CCDC178: variants seen among roughly 807,000 people sequenced by gnomAD.
CCDC178 encodes coiled-coil domain containing 178, also known as coiled-coil domain-containing protein 178.
CCDC178 carries 126 observed loss-of-function variants against 117.4 expected under a neutral mutation model. The ratio of observed to expected loss-of-function variants is 1.07; its 90% confidence interval spans 0.93 to 1.24. The LOEUF (loss-of-function observed/expected upper bound fraction) is 1.24, where lower values mean the gene tolerates loss of function less well. CCDC178 is among the 50% of genes most tolerant of loss of function. The pLI is 0.00. For missense variants in CCDC178, 1,030 were observed against 986.9 expected, an observed-to-expected ratio of 1.04 and a Z score of -0.59; for synonymous variants, 283 against 313.4, an observed-to-expected ratio of 0.90 and a Z score of 1.02.
At chr18:33,020,304 T>C (rs1328935622) in intron 21 of CCDC178, among the ~76,000 whole-genome samples, 2 of 152,072 alleles carry the variant, frequency 1.3e-5, no homozygotes, top group African/African-American at 4.8e-5. Flanking sequence ...GAAAGTTGTG[T>C]TGTTCTCCGT....
chr18:33,134,836 C>T (rs1568009522), intron 20 of CCDC178, among the ~76,000 whole-genome samples: 1 of 151,902 alleles, frequency 6.6e-6, no homozygotes, highest in Non-Finnish European at 1.5e-5. Flanking sequence ...GGAGAAGATA[C>T]CAGCATGGTC....
In CCDC178 at chr18:33,215,698, G is replaced by A. The variant is rs376508906; in HGVS notation, c.1933-3C>T. On this transcript the variant is annotated splice_polypyrimidine_tract_variant and splice_region_variant and intron_variant, in intron 18 of 22. Transcript: ENST00000383096. ...TTAAAAATTGCTGAGCGTTTACTCT[G>A]AAAAAAAATATACACAAGTGTTTAT... The A allele has an allele frequency of 1.8e-5, 27 of 1,500,714 alleles. No homozygotes were observed. Among genetic ancestry groups the A allele is most frequent in the Non-Finnish European group, 2.3e-5 (26 of 1,128,012 alleles). 93.0% of individuals were successfully genotyped at this position (1,500,714 alleles called of 1,614,324 possible).
chr18:33,304,055 T>C (rs1473433008), intron 11 of CCDC178, among the ~76,000 whole-genome samples: 1 of 152,154 alleles, frequency 6.6e-6, no homozygotes, highest in East Asian at 1.9e-4. Context: ...TAGTGCATTG[T>C]ATTTCCATGG....
chr18:33,376,309 C>T lies in CCDC178; in HGVS notation c.209-6120G>A, dbSNP rs551540786. ...GGAGGGCGTGAGCAGGAGGGGAGAG[C>T]CCTTTTTTGCCCTGCTCATACCTGA... is the stretch of plus-strand genomic sequence containing the variant. On this transcript the variant is annotated intron_variant, in intron 5 of 22. Transcript: ENST00000383096. 1.1e-3 allele frequency among the ~76,000 whole-genome samples: 174 copies of T among 152,228 alleles called. 1 individual carries two copies. Among genetic ancestry groups the T allele is most frequent in the Non-Finnish European group, 2.2e-3 (150 of 68,008 alleles).
intron 11 of CCDC178, among the ~76,000 whole-genome samples, chr18:33,311,681 C>T (rs1295723996): frequency 6.6e-6 from 1 of 152,198 alleles, no homozygotes; most frequent in African/African-American, 2.4e-5. Context: ...GGGCTTGTGC[C>T]ACCAAGGTGC....
At chr18:33,279,368 G>A (rs1175243727) in intron 12 of CCDC178, among the ~76,000 whole-genome samples, 4 of 152,000 alleles carry the variant, frequency 2.6e-5, no homozygotes, top group Non-Finnish European at 4.4e-5. Context: ...GCTTCAAAGA[G>A]AATAAAATAC....
At chr18:33,067,262 C>G (rs1329998972) in intron 21 of CCDC178, among the ~76,000 whole-genome samples, 2 of 151,928 alleles carry the variant, frequency 1.3e-5, no homozygotes, top group Non-Finnish European at 2.9e-5. Context: ...ACCATTAGCT[C>G]AATAAATAAA....
intron 20 of CCDC178, among the ~76,000 whole-genome samples, chr18:33,142,026 A>G (rs548907149): frequency 6.6e-6 from 1 of 152,346 alleles, no homozygotes; most frequent in African/African-American, 2.4e-5. Context: ...CTATAAATAT[A>G]TAACAACAAA....
intron 22 of CCDC178, among the ~76,000 whole-genome samples, chr18:32,947,176 A>G (rs1261941308): frequency 6.6e-6 from 1 of 152,206 alleles, no homozygotes; most frequent in Admixed American, 6.5e-5. Context: ...CCAGGAACAT[A>G]ACAATAACAA....
chr18:33,215,757 T>G, intron 18 of CCDC178, 62 bp from the exon 19 acceptor site: 1 of 1,245,852 alleles, frequency 8.0e-7, no homozygotes, highest in Non-Finnish European at 1.1e-6. Context: ...CCCTGCTATT[T>G]AGGAACACAA....
At position 33,371,784 on chromosome 18, in the gene CCDC178, T is replaced by TATACAC. The variant is rs369419194; in HGVS notation, c.209-1596_209-1595insGTGTAT. Among the ~76,000 whole-genome samples the TATACAC allele has an allele frequency of 6.9e-3, 993 of 144,284 alleles. 23 individuals carry two copies. In the South Asian group the frequency reaches 0.077, roughly 11 times the overall value. The allele number at this position is 144,284 out of a possible 152,430, so 94.7% of individuals were successfully genotyped here. On this transcript the variant is annotated intron_variant, in intron 5 of 22. Transcript: ENST00000383096. Reference sequence around the variant, plus strand: ...TTCCTCTTTAGTTCATAAACATATATACACACACACACACACACACACACA... The same window carrying TATACAC: ...TTCCTCTTTAGTTCATAAACATATATATACACACACACACACACACACACACACACA...
At position 33,153,019 on chromosome 18, in the gene CCDC178, G is replaced by GAA. The variant is rs11406493; in HGVS notation, c.2238+58875_2238+58876dup. On this transcript the variant is annotated intron_variant, in intron 20 of 22. Transcript: ENST00000383096. ...AGAAATGAAGTCATTTTAGACTTGT[G>GAA]AAAAAAAAAACAGGCAAAGAAACAC... Among the ~76,000 whole-genome samples the GAA allele has an allele frequency of 6.0e-4, 87 of 146,156 alleles. 2 individuals carry two copies. The highest frequency in any genetic ancestry group is 1.3e-3 in the South Asian group (6 of 4,654).
intron 20 of CCDC178, among the ~76,000 whole-genome samples, chr18:33,094,501 C>T (rs1219766936): frequency 6.6e-6 from 1 of 151,752 alleles, no homozygotes; most frequent in Admixed American, 6.6e-5. Flanking sequence ...TTGATTAAAT[C>T]TAAGCACAAC....
At chr18:33,374,616 T>C (rs1197479993) in intron 5 of CCDC178, among the ~76,000 whole-genome samples, 1 of 152,162 alleles carries the variant, frequency 6.6e-6, no homozygotes, top group African/African-American at 2.4e-5. Context: ...TTACTCAGCA[T>C]TCCTCTTCTT....
chr18:33,165,576 T>A (rs2058518865), intron 20 of CCDC178, among the ~76,000 whole-genome samples: 1 of 152,208 alleles, frequency 6.6e-6, no homozygotes, highest in African/African-American at 2.4e-5. Flanking sequence ...AGCTCAAATG[T>A]TTTATGGACA....
intron 14 of CCDC178, among the ~76,000 whole-genome samples, chr18:33,248,005 C>T (rs1484820860): frequency 6.6e-6 from 1 of 151,368 alleles, no homozygotes; most frequent in Non-Finnish European, 1.5e-5. Flanking sequence ...GACCACAGAC[C>T]AGATAACAAA....
At chr18:33,099,459 T>C (rs2057592028) in intron 20 of CCDC178, among the ~76,000 whole-genome samples, 1 of 151,996 alleles carries the variant, frequency 6.6e-6, no homozygotes, top group African/African-American at 2.4e-5. Context: ...ATTCATAGCA[T>C]GTACAGGGGA....
At chr18:32,971,112 C>T (rs2054914090) in intron 22 of CCDC178, among the ~76,000 whole-genome samples, 1 of 151,680 alleles carries the variant, frequency 6.6e-6, no homozygotes, top group African/African-American at 2.4e-5. Context: ...CCTGTCAACC[C>T]ATCATCTAGG....
intron 2 of CCDC178, among the ~76,000 whole-genome samples, chr18:33,424,558 C>A (rs370259884): frequency 1.3e-5 from 2 of 152,196 alleles, no homozygotes; most frequent in African/African-American, 2.4e-5. Context: ...ACCCTTCTGA[C>A]GCTGTGCATA....
Sources: gnomAD v4.1 joint callset for allele counts (sites outside exome capture counted in the v4.1 genomes callset) on GRCh38, gnomAD v4.1.1 for gene constraint, MANE v1.5 for transcripts, NCBI Gene and HGNC (gene_info 2026-07-23, HGNC 2026-07-21) for gene names.